Variants in HS6ST3 observed in about 807,000 individuals in gnomAD.
The protein encoded by HS6ST3 is heparan sulfate 6-O-sulfotransferase 3.
HS6ST3 carries 12 observed loss-of-function variants against 36.7 expected under a neutral mutation model. That is an observed-to-expected ratio of 0.33 (90% CI 0.21 to 0.53). The LOEUF (loss-of-function observed/expected upper bound fraction) is 0.53. HS6ST3 is among the 20% of genes least tolerant of loss of function. The probability of loss-of-function intolerance (pLI) is 0.95; values close to 1 mark genes in which losing one functional copy is unlikely to be tolerated. For synonymous variants in HS6ST3, 240 were observed against 257.5 expected, an observed-to-expected ratio of 0.93 and a Z score of 0.65; for missense variants, 584 against 640.9, an observed-to-expected ratio of 0.91 and a Z score of 0.96.
chr13:96,518,234 G>C (rs1416543395), intron 1 of HS6ST3, among the ~76,000 whole-genome samples: 1 of 152,072 alleles, frequency 6.6e-6, no homozygotes, highest in Non-Finnish European at 1.5e-5. Context: ...AAAGCAATGA[G>C]ATCCAGAACA....
At chr13:96,533,713 G>C (rs1279794278) in intron 1 of HS6ST3, among the ~76,000 whole-genome samples, 4 of 152,136 alleles carry the variant, frequency 2.6e-5, no homozygotes, top group Non-Finnish European at 5.9e-5. Context: ...TAAGTGCTCG[G>C]TATTAAAGTC....
At chr13:96,534,410 G>A (rs1295420838) in intron 1 of HS6ST3, among the ~76,000 whole-genome samples, 1 of 152,154 alleles carries the variant, frequency 6.6e-6, no homozygotes, top group Non-Finnish European at 1.5e-5. Flanking sequence ...TAATCAAACT[G>A]ACTTTTATAT....
At chr13:96,725,400 T>C (rs1875977711) in intron 1 of HS6ST3, among the ~76,000 whole-genome samples, 1 of 152,168 alleles carries the variant, frequency 6.6e-6, no homozygotes, top group Admixed American at 6.5e-5. Context: ...TATTTTTCTT[T>C]TATGGATTGT....
chr13:96,375,589 T>C (rs2055310834), intron 1 of HS6ST3, among the ~76,000 whole-genome samples: 1 of 152,196 alleles, frequency 6.6e-6, no homozygotes, highest in South Asian at 2.1e-4. Context: ...CCTGGGTCAG[T>C]GTGTATAGCA....
chr13:96,327,957 T>G (rs1338276980), intron 1 of HS6ST3, among the ~76,000 whole-genome samples: 2 of 134,218 alleles, frequency 1.5e-5, no homozygotes, highest in Non-Finnish European at 3.2e-5. Flanking sequence ...GAATGGGAGT[T>G]CACTCATTAT....
At chr13:96,155,180 A>G (rs186107927) in intron 1 of HS6ST3, among the ~76,000 whole-genome samples, 19 of 152,328 alleles carry the variant, frequency 1.2e-4, no homozygotes, top group African/African-American at 4.1e-4. Flanking sequence ...TTACATGTAT[A>G]CCATAATTAA....
At chr13:96,237,388 C>T (rs1484729644) in intron 1 of HS6ST3, among the ~76,000 whole-genome samples, 1 of 152,134 alleles carries the variant, frequency 6.6e-6, no homozygotes, top group Non-Finnish European at 1.5e-5. Flanking sequence ...CCTCCCCCTT[C>T]TATTGCCCTT....
At chr13:96,311,258 A>G (rs930261992) in intron 1 of HS6ST3, among the ~76,000 whole-genome samples, 3 of 152,208 alleles carry the variant, frequency 2.0e-5, no homozygotes, top group Non-Finnish European at 4.4e-5. Flanking sequence ...AGCTTAGTGA[A>G]GAACCTTGGT....
intron 1 of HS6ST3, among the ~76,000 whole-genome samples, chr13:96,596,554 G>A (rs1594814900): frequency 6.6e-6 from 1 of 151,944 alleles, no homozygotes. Flanking sequence ...TTCCATATAG[G>A]GTGTACTAAT....
chr13:96,431,257 AATAAAC>A (rs1452430094), intron 1 of HS6ST3, among the ~76,000 whole-genome samples: 1,513 of 149,442 alleles, frequency 0.01, 33 homozygotes, highest in African/African-American at 0.036. Context: ...AACAACAACA[AATAAAC>A]CAAAACCAAA....
chr13:96,488,671 C>A (rs1015090215), intron 1 of HS6ST3, among the ~76,000 whole-genome samples: 2 of 152,046 alleles, frequency 1.3e-5, no homozygotes, highest in African/African-American at 4.8e-5. Context: ...GCCATGAAAT[C>A]TTTTGTCAGT....
intron 1 of HS6ST3, among the ~76,000 whole-genome samples, chr13:96,596,214 T>G (rs1190341754): frequency 6.6e-6 from 1 of 152,224 alleles, no homozygotes; most frequent in Admixed American, 6.5e-5. Flanking sequence ...TTTCCATTTC[T>G]GAGTTACTTC....
At chr13:96,615,883 C>G (rs916324676) in intron 1 of HS6ST3, among the ~76,000 whole-genome samples, 6 of 152,184 alleles carry the variant, frequency 3.9e-5, no homozygotes, top group Non-Finnish European at 7.3e-5. Context: ...AAAGCAGTTG[C>G]TCCATGGAAG....
chr13:96,784,138 G>A (rs1460782705), intron 1 of HS6ST3, among the ~76,000 whole-genome samples: 1 of 150,482 alleles, frequency 6.6e-6, no homozygotes, highest in African/African-American at 2.4e-5. Flanking sequence ...TAAATAAGTT[G>A]CGTGTTTATT....
chr13:96,442,497 G>A (rs529565535), intron 1 of HS6ST3, among the ~76,000 whole-genome samples: 4 of 152,228 alleles, frequency 2.6e-5, no homozygotes, highest in Non-Finnish European at 5.9e-5. Context: ...CGATGTCCTG[G>A]TAAATTATCA....
In HS6ST3 at chr13:96,091,451, T is replaced by G; in HGVS notation, c.589T>G (p.Phe197Val). The G allele has an allele frequency of 1.9e-6, 3 of 1,610,096 alleles. No individual in the cohort carries two copies. Among genetic ancestry groups the G allele is most frequent in the Non-Finnish European group, 2.5e-6 (3 of 1,178,934 alleles). The change falls in exon 1 of 2, where the codon TTC becomes GTC. Residue 197 changes from phenylalanine (F) to valine (V), a missense_variant. Physicochemically the swap from Phe to Val is conservative, Grantham distance 50. This residue lies in a region of HS6ST3 where 360 missense variants were observed against 411.3 expected (regional missense o/e 0.88). Transcript: ENST00000376705. ...GCCTGGCAAGAAGGAGACGTGGCTC[T>G]TCTCCCGCTTCTCCACCGGCTGGAG... is the stretch of plus-strand genomic sequence containing the variant. ...HRPGKKETWL[F>V]SRFSTGWSCG...
intron 1 of HS6ST3, among the ~76,000 whole-genome samples, chr13:96,732,956 G>C (rs1178298273): frequency 6.6e-6 from 1 of 152,104 alleles, no homozygotes; most frequent in African/African-American, 2.4e-5. Context: ...TTAGTGTATA[G>C]AAATACTATT....
intron 1 of HS6ST3, among the ~76,000 whole-genome samples, chr13:96,809,813 A>T (rs1475648675): frequency 2.6e-5 from 4 of 152,172 alleles, no homozygotes; most frequent in Admixed American, 6.5e-5. Context: ...CTGTGACAAG[A>T]GCTTTAACCT....
intron 1 of HS6ST3, among the ~76,000 whole-genome samples, chr13:96,152,333 T>TTTGTTGTTGTTG (rs1555388357): frequency 1.3e-5 from 1 of 78,440 alleles, no homozygotes; most frequent in African/African-American, 4.5e-5. Context: ...TTTTTTTTTT[T>TTTGTTGTTGTTG]TTGTTGTTGT....
Sources: allele counts gnomAD v4.1 joint callset (sites outside exome capture counted in the v4.1 genomes callset), GRCh38; gene constraint gnomAD v4.1.1; regional missense constraint gnomAD v4.1.1; transcripts MANE v1.5; gene names NCBI Gene and HGNC (gene_info 2026-07-23, HGNC 2026-07-21).